TSHZ2: variants seen among roughly 807,000 people sequenced by gnomAD.
TSHZ2 encodes the protein teashirt zinc finger homeobox 2.
In TSHZ2, 21 loss-of-function variants were observed where a neutral mutation model predicts 74.4. That is an observed-to-expected ratio of 0.28 (90% CI 0.20 to 0.41). TSHZ2 has a LOEUF of 0.41. TSHZ2 is among the 10% of genes least tolerant of loss of function. The probability of loss-of-function intolerance (pLI) is 1.00; values close to 1 mark genes in which losing one functional copy is unlikely to be tolerated. For synonymous variants in TSHZ2, 540 were observed against 515.3 expected, an observed-to-expected ratio of 1.05 and a Z score of -0.65; for missense variants, 1,244 against 1,293.5, an observed-to-expected ratio of 0.96 and a Z score of 0.59.
chr20:52,974,348 C>T (rs1201629888), intron 1 of TSHZ2, among the ~76,000 whole-genome samples: 1 of 152,300 alleles, frequency 6.6e-6, no homozygotes, highest in East Asian at 1.9e-4. Flanking sequence ...ATAAATCACT[C>T]ACCATGGTAA....
intron 2 of TSHZ2, among the ~76,000 whole-genome samples, chr20:53,467,504 T>C (rs1029181019): frequency 3.9e-5 from 6 of 152,246 alleles, no homozygotes; most frequent in African/African-American, 1.4e-4. Context: ...TCATTAAAGA[T>C]ATCTACATTT....
chr20:52,982,253 A>T (rs1479989301), intron 1 of TSHZ2, among the ~76,000 whole-genome samples: 1 of 152,136 alleles, frequency 6.6e-6, no homozygotes, highest in East Asian at 1.9e-4. Context: ...TGAGTTTTAA[A>T]CTCAGCTCTT....
At chr20:53,158,143 C>G (rs1194319599) in intron 1 of TSHZ2, among the ~76,000 whole-genome samples, 3 of 152,140 alleles carry the variant, frequency 2.0e-5, no homozygotes. Flanking sequence ...AAGAAAACAG[C>G]CAAGACCCGG....
At chr20:53,067,147 T>G (rs1364150762) in intron 1 of TSHZ2, among the ~76,000 whole-genome samples, 2 of 152,198 alleles carry the variant, frequency 1.3e-5, no homozygotes, top group Non-Finnish European at 2.9e-5. Context: ...ATAGTTTGTC[T>G]TATGGTGATA....
At chr20:53,289,329 C>T (rs1032955019) in intron 2 of TSHZ2, among the ~76,000 whole-genome samples, 1 of 152,134 alleles carries the variant, frequency 6.6e-6, no homozygotes, top group Non-Finnish European at 1.5e-5. Context: ...GGGTAGATAC[C>T]GAATAGTGGG....
At chr20:53,359,333 C>T (rs2145600922) in intron 2 of TSHZ2, among the ~76,000 whole-genome samples, 1 of 152,224 alleles carries the variant, frequency 6.6e-6, no homozygotes, top group South Asian at 2.1e-4. Context: ...GTTATTTAAC[C>T]TCTCTGTGCC....
intron 1 of TSHZ2, among the ~76,000 whole-genome samples, chr20:53,029,094 T>C (rs1368681830): frequency 6.6e-6 from 1 of 152,216 alleles, no homozygotes; most frequent in Non-Finnish European, 1.5e-5. Context: ...ACCTATCTAT[T>C]TGAACTCCAT....
chr20:53,330,076 C>A (rs1248978481), intron 2 of TSHZ2, among the ~76,000 whole-genome samples: 1 of 152,202 alleles, frequency 6.6e-6, no homozygotes, highest in Non-Finnish European at 1.5e-5. Flanking sequence ...ATATGGTATG[C>A]AAAGCCTAAA....
At chr20:53,118,004 G>A (rs1986715774) in intron 1 of TSHZ2, among the ~76,000 whole-genome samples, 2 of 152,198 alleles carry the variant, frequency 1.3e-5, no homozygotes, top group African/African-American at 2.4e-5. Flanking sequence ...AGAAGTGACA[G>A]AATTATTATC....
rs534184718 is a variant in TSHZ2, at chr20:53,420,552, C to T, written c.*9-66592C>T. On this transcript the variant is annotated intron_variant, in intron 2 of 2. Coordinates refer to ENST00000371497, the MANE Select transcript of TSHZ2 (RefSeq NM_173485.6). ...CCATCCTGGCTAACACGGTGAAACCCCATCTCTACTAAAAATACAAAAAAT... is the reference window on the plus strand; with the variant it reads ...CCATCCTGGCTAACACGGTGAAACCTCATCTCTACTAAAAATACAAAAAAT... Among the ~76,000 whole-genome samples, 13 of 152,234 alleles carry T rather than the reference C, an allele frequency of 8.5e-5. No homozygotes were observed. The East Asian group carries it at 2.3e-3, about 27-fold the overall frequency.
chr20:53,144,989 C>A (rs1221542772), intron 1 of TSHZ2, among the ~76,000 whole-genome samples: 1 of 152,014 alleles, frequency 6.6e-6, no homozygotes, highest in African/African-American at 2.4e-5. Context: ...GAGGAAACAA[C>A]GGCAAAATTA....
intron 1 of TSHZ2, among the ~76,000 whole-genome samples, chr20:53,238,982 T>C (rs1414840369): frequency 2.0e-5 from 3 of 151,328 alleles, no homozygotes; most frequent in Admixed American, 6.6e-5. Context: ...TGGCCAACAG[T>C]AGGAAATGGA....
intron 2 of TSHZ2, among the ~76,000 whole-genome samples, chr20:53,480,338 G>A (rs1986116973): frequency 6.6e-6 from 1 of 151,676 alleles, no homozygotes; most frequent in Admixed American, 6.6e-5. Flanking sequence ...CAAAGTGCTG[G>A]GATTACAAGC....
intron 1 of TSHZ2, among the ~76,000 whole-genome samples, chr20:53,138,095 A>G (rs1209041044): frequency 6.6e-6 from 1 of 152,190 alleles, no homozygotes; most frequent in Admixed American, 6.5e-5. Flanking sequence ...TACTTCATAT[A>G]TCAGTGGCCG....
At position 53,166,153 on chromosome 20, in the gene TSHZ2, T is replaced by C. The variant is rs1187683194; in HGVS notation, c.41-87346T>C. Among the ~76,000 whole-genome samples, 4 of 152,208 alleles carry C rather than the reference T, an allele frequency of 2.6e-5. No homozygotes were observed. In the East Asian group the frequency reaches 5.8e-4, roughly 22 times the overall value. On this transcript the variant is annotated intron_variant, in intron 1 of 2. Coordinates refer to ENST00000371497, the MANE Select transcript of TSHZ2 (RefSeq NM_173485.6). ...ATTGCTGGGAGCTTAGAGTCCTTGT[T>C]AGATTTCCCCATCCTTGGTTTTGTT... is the stretch of plus-strand genomic sequence containing the variant.
chr20:53,000,892 C>T (rs753870988), intron 1 of TSHZ2, among the ~76,000 whole-genome samples: 3 of 152,038 alleles, frequency 2.0e-5, no homozygotes, highest in African/African-American at 4.8e-5. Flanking sequence ...GTCCAGGGTT[C>T]GTTATAGCTC....
chr20:53,020,076 A>G (rs1983183788), intron 1 of TSHZ2, among the ~76,000 whole-genome samples: 1 of 152,092 alleles, frequency 6.6e-6, no homozygotes, highest in Non-Finnish European at 1.5e-5. Context: ...TAAAACCGTG[A>G]GAGCTCGTGA....
intron 2 of TSHZ2, among the ~76,000 whole-genome samples, chr20:53,321,011 G>A (rs1325534464): frequency 6.6e-6 from 1 of 152,180 alleles, no homozygotes; most frequent in Non-Finnish European, 1.5e-5. Flanking sequence ...TTTCCATAAA[G>A]TTACTTTTAG....
At chr20:53,438,753 G>C (rs1300726224) in intron 2 of TSHZ2, among the ~76,000 whole-genome samples, 1 of 152,174 alleles carries the variant, frequency 6.6e-6, no homozygotes, top group Non-Finnish European at 1.5e-5. Flanking sequence ...CTGAGGTCAG[G>C]AGTTCGAGAC....
Sources: gnomAD v4.1 joint callset for allele counts (sites outside exome capture counted in the v4.1 genomes callset) on GRCh38, gnomAD v4.1.1 for gene constraint, MANE v1.5 for transcripts, NCBI Gene and HGNC (gene_info 2026-07-23, HGNC 2026-07-21) for gene names.